FBXO47: variants seen among roughly 807,000 people sequenced by gnomAD.
FBXO47 encodes F-box protein 47.
In FBXO47, 34 loss-of-function variants were observed where a neutral mutation model predicts 53.9. The observed-to-expected ratio is 0.63, with a 90% CI of 0.48 to 0.84. FBXO47 has a LOEUF of 0.84. Ranked by LOEUF, FBXO47 falls within the 40% of genes least tolerant of loss-of-function variation. The pLI is 0.00. For synonymous variants in FBXO47, 165 were observed against 181.6 expected (o/e 0.91, Z 0.73); for missense variants, 485 against 541.3 (o/e 0.90, Z 1.03).
intron 6 of FBXO47, among the ~76,000 whole-genome samples, chr17:38,946,897 CAT>C (rs1228288324): frequency 4.1e-5 from 4 of 97,924 alleles, no homozygotes; most frequent in African/African-American, 8.8e-5. Flanking sequence ...TATATATAAA[CAT>C]ATATAAATAT....
chr17:38,944,442 T>C (rs188354737), intron 7 of FBXO47, among the ~76,000 whole-genome samples: 148 of 151,016 alleles, frequency 9.8e-4, no homozygotes, highest in African/African-American at 3.3e-3. Context: ...GTGGCTCACA[T>C]CTGTAATCCC....
chr17:38,946,571 T>A (rs1393295859), intron 6 of FBXO47, among the ~76,000 whole-genome samples: 1 of 83,424 alleles, frequency 1.2e-5, no homozygotes, highest in Admixed American at 2.2e-4. Context: ...ACTATATAAA[T>A]ATATATGAAT....
At chr17:38,938,489 T>C (rs1904353106) in intron 10 of FBXO47, 84 bp downstream of exon 10, 8 of 952,738 alleles carry the variant, frequency 8.4e-6, no homozygotes, top group Admixed American at 7.6e-5. Flanking sequence ...ATTCTTGGAC[T>C]GTTAGAGAAA....
chr17:38,957,305 A>T (rs1456757588), intron 3 of FBXO47, 52 bp from the exon 4 acceptor site: 3 of 1,169,890 alleles, frequency 2.6e-6, no homozygotes, highest in Non-Finnish European at 3.8e-6. Flanking sequence ...AATTAAGAAC[A>T]TCAATAGAGC....
intron 4 of FBXO47, 36 bp from the exon 5 acceptor site, chr17:38,954,969 T>C: frequency 1.4e-6 from 2 of 1,429,102 alleles, no homozygotes; most frequent in African/African-American, 2.9e-5. Context: ...TCCTTGTCAG[T>C]GAAACTATAG....
At position 38,950,433 on chromosome 17, in the gene FBXO47, G is replaced by A. The variant is rs187960490; in HGVS notation, c.616+1148C>T. Among the ~76,000 whole-genome samples, 325 of 150,320 alleles carry A rather than the reference G, an allele frequency of 2.2e-3. 1 individual carries two copies. Among genetic ancestry groups the A allele is most frequent in the African/African-American group, 5.2e-3 (214 of 41,038 alleles). ...AGGGCCTCCTCTGTCACCCAGGCTG[G>A]AGTGCAGTGACTGGATCATGCCCGC... On this transcript the variant is annotated intron_variant, in intron 6 of 10. Coordinates refer to ENST00000378079, the MANE Select transcript of FBXO47 (RefSeq NM_001008777.3).
rs1212522851 is a variant in FBXO47, at chr17:38,946,933, AAT to A, written c.617-1799_617-1798del. On this transcript the variant is annotated intron_variant, in intron 6 of 10. Coordinates refer to ENST00000378079, the MANE Select transcript of FBXO47 (RefSeq NM_001008777.3). ...ATATATAAACATATATAAACATATAAATATATATAAACATATATAAATATATA... is the reference window on the plus strand; with the variant it reads ...ATATATAAACATATATAAACATATAAATATATAAACATATATAAATATATA... 7.9e-4 allele frequency among the ~76,000 whole-genome samples: 98 copies of A among 123,548 alleles called. 1 individual carries two copies. Among genetic ancestry groups the A allele is most frequent in the Admixed American group, 3.7e-3 (38 of 10,264 alleles). 81.1% of individuals were successfully genotyped at this position (123,548 alleles called of 152,430 possible).
At chr17:38,937,726 G>A (rs1915615432) in intron 10 of FBXO47, among the ~76,000 whole-genome samples, 1 of 151,810 alleles carries the variant, frequency 6.6e-6, no homozygotes, top group African/African-American at 2.4e-5. Flanking sequence ...GGAGTGCAGT[G>A]GCACAATCTT....
chr17:38,947,073 CATATATAAACATATATATAAACAT>C (rs1165695285), intron 6 of FBXO47, among the ~76,000 whole-genome samples: 15 of 122,266 alleles, frequency 1.2e-4, no homozygotes, highest in African/African-American at 4.8e-4. Context: ...TATATATAAA[CATATATAAACATATATATAAACAT>C]ATATATAAAC....
chr17:38,939,652 CTTTTTTTT>C (rs970784178), intron 9 of FBXO47, among the ~76,000 whole-genome samples: 2 of 91,110 alleles, frequency 2.2e-5, no homozygotes, highest in Non-Finnish European at 4.2e-5. Flanking sequence ...TAAAAGGTTT[CTTTTTTTT>C]TTTTTTTTTT....
intron 1 of FBXO47, among the ~76,000 whole-genome samples, chr17:38,966,035 T>C (rs1475859422): frequency 6.6e-6 from 1 of 152,146 alleles, no homozygotes; most frequent in Non-Finnish European, 1.5e-5. Flanking sequence ...GAGGGATCAC[T>C]ATATATAATA....
At chr17:38,946,464 AT>A (rs1246681678) in intron 6 of FBXO47, among the ~76,000 whole-genome samples, 31 of 95,214 alleles carry the variant, frequency 3.3e-4, no homozygotes, top group Admixed American at 1.8e-3. Context: ...ATAAATATAT[AT>A]GAATATATAT....
At chr17:38,953,894 C>T (rs938575686) in intron 5 of FBXO47, among the ~76,000 whole-genome samples, 1 of 152,136 alleles carries the variant, frequency 6.6e-6, no homozygotes, top group Non-Finnish European at 1.5e-5. Flanking sequence ...AGGGCTTAGA[C>T]CCCTGGAATC....
chr17:38,938,462 C>CTTT, intron 10 of FBXO47, 111 bp downstream of exon 10: 14 of 599,484 alleles, frequency 2.3e-5, no homozygotes, highest in Admixed American at 6.2e-5. Flanking sequence ...ATAGAAATAG[C>CTTT]TTTTTTTTTT....
Position 38,950,389 on chromosome 17 carries a change from GT to G in FBXO47, c.616+1191del, listed in dbSNP as rs528716557. Among the ~76,000 whole-genome samples, 913 of 144,666 alleles carry G rather than the reference GT, an allele frequency of 6.3e-3. 10 individuals are homozygous for G. Among genetic ancestry groups the G allele is most frequent in the African/African-American group, 0.022 (860 of 39,478 alleles). The allele number at this position is 144,666 out of a possible 152,430, so 94.9% of individuals were successfully genotyped here. On this transcript the variant is annotated intron_variant, in intron 6 of 10. Coordinates refer to ENST00000378079, the MANE Select transcript of FBXO47 (RefSeq NM_001008777.3). ...TCACCTGGTCTTTTTTGTTTGTTTTGTTTTTTTTTCTAAGATGGAGGGCCTC... is the reference window on the plus strand; with the variant it reads ...TCACCTGGTCTTTTTTGTTTGTTTTGTTTTTTTTCTAAGATGGAGGGCCTC...
chr17:38,963,495 C>T (rs1461926995), intron 1 of FBXO47, among the ~76,000 whole-genome samples: 1 of 151,962 alleles, frequency 6.6e-6, no homozygotes, highest in Non-Finnish European at 1.5e-5. Flanking sequence ...TTTATTACAG[C>T]TAAAATTTAA....
Position 38,963,051 on chromosome 17 carries a change from C to G in FBXO47, c.-26G>C, listed in dbSNP as rs762600858. 2.6e-6 allele frequency: 4 copies of G among 1,567,554 alleles called. No individual in the cohort carries two copies. The highest frequency in any genetic ancestry group is 3.5e-6 in the Non-Finnish European group (4 of 1,144,774). Reference sequence around the variant, plus strand: ...TCTTCTTCTTGTCTCACAAATTTATCCTGGTCAGAAAAACAAAGTACAAGA... The same window carrying G: ...TCTTCTTCTTGTCTCACAAATTTATGCTGGTCAGAAAAACAAAGTACAAGA... On this transcript the variant is annotated splice_region_variant and 5_prime_UTR_variant, in exon 2 of 11. Transcript: ENST00000378079.
intron 2 of FBXO47, among the ~76,000 whole-genome samples, chr17:38,962,548 G>C (rs948137537): frequency 2.0e-5 from 3 of 151,276 alleles, no homozygotes; most frequent in Non-Finnish European, 2.9e-5. Context: ...GGAGGTTGCG[G>C]TGAGCCGAGA....
At chr17:38,947,131 A>AT (rs1567717804) in intron 6 of FBXO47, among the ~76,000 whole-genome samples, 16 of 137,830 alleles carry the variant, frequency 1.2e-4, no homozygotes, top group South Asian at 4.5e-4. Flanking sequence ...CATATATATA[A>AT]ATATATATAT....
Sources: allele counts gnomAD v4.1 joint callset (sites outside exome capture counted in the v4.1 genomes callset), GRCh38; gene constraint gnomAD v4.1.1; transcripts MANE v1.5; gene names NCBI Gene and HGNC (gene_info 2026-07-23, HGNC 2026-07-21).